NAA30: variants seen among roughly 807,000 people sequenced by gnomAD.
The protein encoded by NAA30 is N-alpha-acetyltransferase 30, NatC catalytic subunit, also known as N-alpha-acetyltransferase 30.
A neutral mutation model predicts 31.4 loss-of-function variants in NAA30; 5 were observed. The ratio of observed to expected loss-of-function variants is 0.16; its 90% CI spans 0.08 to 0.33. The LOEUF (loss-of-function observed/expected upper bound fraction) is 0.33. NAA30 is among the 10% of genes least tolerant of loss of function. The pLI is 1.00. For synonymous variants in NAA30, 222 were observed against 207.1 expected (o/e 1.07, Z -0.62); for missense variants, 428 against 490.8 (o/e 0.87, Z 1.21).
intron 4 of NAA30, among the ~76,000 whole-genome samples, chr14:57,404,431 T>C (rs1026834865): frequency 6.6e-6 from 1 of 152,218 alleles, no homozygotes; most frequent in African/African-American, 2.4e-5. Flanking sequence ...ATTTATAGTA[T>C]CTTAAAATAT....
chr14:57,412,513 T>C lies in NAA30; in HGVS notation c.*2997T>C, dbSNP rs1229859229. ...CATCACTAAAATGAGTGCTGTAATG[T>C]TACAGGGCTTTCAGGTTTGTAAAAA... On this transcript the variant is annotated 3_prime_UTR_variant, in exon 5 of 5. Coordinates refer to ENST00000556492, the MANE Select transcript of NAA30 (RefSeq NM_001011713.3). The C allele has an allele frequency of 6.6e-6, 1 of 152,210 alleles. No homozygotes were observed. The highest frequency in any genetic ancestry group is 1.5e-5 in the Non-Finnish European group (1 of 68,032). 9.4% of individuals were successfully genotyped at this position (152,210 alleles called of 1,614,324 possible).
At position 57,412,657 on chromosome 14, in the gene NAA30, T is replaced by C. The variant is rs2066529010; in HGVS notation, c.*3141T>C. The C allele has an allele frequency of 6.6e-6, 1 of 152,208 alleles. No individual in the cohort carries two copies. The highest frequency in any genetic ancestry group is 1.5e-5 in the Non-Finnish European group (1 of 68,028). The allele number at this position is 152,208 out of a possible 1,614,324, so 9.4% of individuals were successfully genotyped here. ...ATTGCTGCATAATTTTCTTCTATTG[T>C]CCCATATCCTTTTGGAGAGAGATTT... On this transcript the variant is annotated 3_prime_UTR_variant, in exon 5 of 5. Coordinates refer to ENST00000556492, the MANE Select transcript of NAA30 (RefSeq NM_001011713.3).
intron 4 of NAA30, 137 bp downstream of exon 4, chr14:57,400,020 T>C: frequency 2.2e-6 from 1 of 461,116 alleles, no homozygotes; most frequent in Non-Finnish European, 3.8e-6. Flanking sequence ...AAAATTATAT[T>C]CCATTTAAAA....
chr14:57,392,443 G>C (rs2066433533), intron 2 of NAA30, among the ~76,000 whole-genome samples: 1 of 151,960 alleles, frequency 6.6e-6, no homozygotes, highest in South Asian at 2.1e-4. Flanking sequence ...ACTGGTTGTA[G>C]ATGTGGCCAA....
rs1226170071 is a variant in NAA30, at chr14:57,413,106, T to C, written c.*3590T>C. The C allele has an allele frequency of 6.6e-6, 1 of 152,194 alleles. No individual in the cohort carries two copies. Among genetic ancestry groups the C allele is most frequent in the African/African-American group, 2.4e-5 (1 of 41,450 alleles). The allele number at this position is 152,194 out of a possible 1,614,324, so 9.4% of individuals were successfully genotyped here. A position where few individuals can be genotyped will look rare whatever the true frequency, so the allele number is the denominator to read the frequency against. ...CTTTTTTGTCTGTACACTGCCACTCTGTAATGTTCCCCCCACCCCATCCCA... is the reference window on the plus strand; with the variant it reads ...CTTTTTTGTCTGTACACTGCCACTCCGTAATGTTCCCCCCACCCCATCCCA... On this transcript the variant is annotated 3_prime_UTR_variant, in exon 5 of 5. Transcript: ENST00000556492.
Position 57,391,454 on chromosome 14 carries a change from G to T in NAA30, c.497G>T (p.Arg166Leu), listed in dbSNP as rs1364228525. 6.2e-7 allele frequency: 1 copy of T among 1,609,778 alleles called. No individual in the cohort carries two copies. The highest frequency in any genetic ancestry group is 8.5e-7 in the Non-Finnish European group (1 of 1,178,286). ...GCGGCGAGCGATCCCGCGGCGGCCCGCAATGGACTGGCCGAGGGCACCGAG... is the reference window on the plus strand; with the variant it reads ...GCGGCGAGCGATCCCGCGGCGGCCCTCAATGGACTGGCCGAGGGCACCGAG... Reference protein sequence around the residue: ...AAAASDPAAARNGLAEGTEQE... With the variant: ...AAAASDPAAALNGLAEGTEQE... The change falls in exon 2 of 5, where the codon CGC becomes CTC. Residue 166 changes from arginine to leucine, a missense_variant. This residue lies in a region of NAA30 where 349 missense variants were observed against 310.4 expected (regional missense o/e 1.12). Coordinates refer to ENST00000556492, the MANE Select transcript of NAA30 (RefSeq NM_001011713.3). This position sits in a 1 kb window ranked among gnomAD's most constrained non-coding sequence, Gnocchi z 4.1.
At chr14:57,402,404 A>G (rs2066480901) in intron 4 of NAA30, among the ~76,000 whole-genome samples, 1 of 152,212 alleles carries the variant, frequency 6.6e-6, no homozygotes, top group African/African-American at 2.4e-5. Context: ...GTGATAGAGT[A>G]CCTGCTTTGT....
chr14:57,399,238 A>G (rs2066463628), intron 3 of NAA30, among the ~76,000 whole-genome samples: 1 of 152,176 alleles, frequency 6.6e-6, no homozygotes, highest in South Asian at 2.1e-4. Context: ...TTAATATACC[A>G]ATTATATTTG....
chr14:57,395,364 C>T (rs2066446336), intron 2 of NAA30, among the ~76,000 whole-genome samples: 1 of 152,054 alleles, frequency 6.6e-6, no homozygotes, highest in African/African-American at 2.4e-5. Flanking sequence ...AAAAAAGTCA[C>T]AAATTTAAAA....
rs368332192 is a variant in NAA30, at chr14:57,409,564, G to T, written c.*48G>T. The T allele has an allele frequency of 1.8e-5, 27 of 1,532,496 alleles. No homozygotes were observed. In the East Asian group the frequency reaches 3.1e-4, roughly 17 times the overall value. The allele number at this position is 1,532,496 out of a possible 1,614,324, so 94.9% of individuals were successfully genotyped here. ...TATCATCCGCACAGAATCGACCTTT[G>T]CATGCAATGCAATTTGTACAGAATT... On this transcript the variant is annotated 3_prime_UTR_variant, in exon 5 of 5. Coordinates refer to ENST00000556492, the MANE Select transcript of NAA30 (RefSeq NM_001011713.3).
Position 57,391,134 on chromosome 14 carries a change from A to T in NAA30, c.177A>T (p.Gly59=), listed in dbSNP as rs1470021545. 1 of 1,577,318 alleles carries T rather than the reference A, an allele frequency of 6.3e-7. No homozygotes were observed. Among genetic ancestry groups the T allele is most frequent in the Admixed American group, 1.9e-5 (1 of 53,680 alleles). ...GCGGCAGCAGGAGCCCGGCGGGCGG[A>T]GAGTCGGCGACGGTGGCGGCCAAGG... ...EGGGSRSPAG[G]ESATVAAKGH... The change falls in exon 2 of 5, where the codon GGA becomes GGT. Residue 59 remains glycine (G), a synonymous_variant. Transcript: ENST00000556492. The surrounding 1 kb of genome is among the most constrained non-coding windows in gnomAD (Gnocchi z 4.1).
chr14:57,405,527 A>G (rs2066495277), intron 4 of NAA30, among the ~76,000 whole-genome samples: 1 of 152,184 alleles, frequency 6.6e-6, no homozygotes, highest in South Asian at 2.1e-4. Flanking sequence ...TTAAGCTGCA[A>G]GGATTTTGGG....
chr14:57,391,023 G>T lies in NAA30; in HGVS notation c.66G>T (p.Ala22=). Residue 22 remains alanine (A), a synonymous_variant, in exon 2 of 5, where the codon GCG becomes GCT. Coordinates refer to ENST00000556492, the MANE Select transcript of NAA30 (RefSeq NM_001011713.3). This position sits in a 1 kb window ranked among gnomAD's most constrained non-coding sequence, Gnocchi z 4.1. ...LPPPAPPAPA[A]VEPRCPFPAG... ...CACCAGCACCTCCGGCCCCGGCGGCGGTCGAGCCCCGCTGTCCCTTCCCGG... is the reference window on the plus strand; with the variant it reads ...CACCAGCACCTCCGGCCCCGGCGGCTGTCGAGCCCCGCTGTCCCTTCCCGG... 12 of 1,496,114 alleles carry T rather than the reference G, an allele frequency of 8.0e-6. No homozygotes were observed. Among genetic ancestry groups the T allele is most frequent in the Non-Finnish European group, 1.1e-5 (12 of 1,131,108 alleles). The allele number at this position is 1,496,114 out of a possible 1,614,324, so 92.7% of individuals were successfully genotyped here. A position where few individuals can be genotyped will look rare whatever the true frequency, so the allele number is the denominator to read the frequency against.
chr14:57,391,996 T>C lies in NAA30; in HGVS notation c.771+268T>C, dbSNP rs1463593147. 6.6e-6 allele frequency among the ~76,000 whole-genome samples: 1 copy of C among 152,128 alleles called. No homozygotes were observed. The highest frequency in any genetic ancestry group is 1.5e-5 in the Non-Finnish European group (1 of 67,988). ...CTGGGGTGGGGGTCTTGTGTCTTGTTTACATTAGATTATAATCGTGTTTAA... is the reference window on the plus strand; with the variant it reads ...CTGGGGTGGGGGTCTTGTGTCTTGTCTACATTAGATTATAATCGTGTTTAA... On this transcript the variant is annotated intron_variant, in intron 2 of 4. Coordinates refer to ENST00000556492, the MANE Select transcript of NAA30 (RefSeq NM_001011713.3). The surrounding 1 kb of genome is among the most constrained non-coding windows in gnomAD (Gnocchi z 4.1).
rs2066526708 is a variant in NAA30, at chr14:57,412,226, G to A, written c.*2710G>A. The A allele has an allele frequency of 6.6e-6, 1 of 152,006 alleles. No individual in the cohort carries two copies. 9.4% of individuals were successfully genotyped at this position (152,006 alleles called of 1,614,324 possible). ...TTTGAAGTTGAAACCAGCAAAATAA[G>A]AAAAAATAAAAAATCGATTTTAATA... On this transcript the variant is annotated 3_prime_UTR_variant, in exon 5 of 5. Coordinates refer to ENST00000556492, the MANE Select transcript of NAA30 (RefSeq NM_001011713.3).
intron 2 of NAA30, among the ~76,000 whole-genome samples, chr14:57,392,758 G>T (rs990444460): frequency 5.9e-5 from 9 of 152,154 alleles, no homozygotes; most frequent in African/African-American, 2.2e-4. Context: ...TAATGTTTTA[G>T]CATTGGCTTA....
chr14:57,393,442 T>C lies in NAA30; in HGVS notation c.771+1714T>C, dbSNP rs1401816518. On this transcript the variant is annotated intron_variant, in intron 2 of 4. Transcript: ENST00000556492. ...TGGTGCAAGTATGAATCAGGAGGTA[T>C]TAAACAATAATAAAACAGTAAAAAA... Among the ~76,000 whole-genome samples, 3 of 152,134 alleles carry C rather than the reference T, an allele frequency of 2.0e-5. 1 individual carries two copies. The highest frequency in any genetic ancestry group is 4.4e-5 in the Non-Finnish European group (3 of 67,976).
chr14:57,405,243 A>G (rs1180716419), intron 4 of NAA30, among the ~76,000 whole-genome samples: 2 of 152,156 alleles, frequency 1.3e-5, no homozygotes, highest in Non-Finnish European at 2.9e-5. Flanking sequence ...TTAGATTATT[A>G]GGAGCCAAGA....
At position 57,409,617 on chromosome 14, in the gene NAA30, A is replaced by G. The variant is rs2066514854; in HGVS notation, c.*101A>G. ...TTTGCAGGTGGATTTAGTAATTTCC[A>G]TGCAGCTCTTACCTGTCAGTGTCTC... is the stretch of plus-strand genomic sequence containing the variant. On this transcript the variant is annotated 3_prime_UTR_variant, in exon 5 of 5. Transcript: ENST00000556492. 2 of 1,204,628 alleles carry G rather than the reference A, an allele frequency of 1.7e-6. No homozygotes were observed. Among genetic ancestry groups the G allele is most frequent in the East Asian group, 2.6e-5 (1 of 38,660 alleles). The allele number at this position is 1,204,628 out of a possible 1,614,324, so 74.6% of individuals were successfully genotyped here. A position where few individuals can be genotyped will look rare whatever the true frequency, so the allele number is the denominator to read the frequency against.
Sources: gnomAD v4.1 joint callset for allele counts (sites outside exome capture counted in the v4.1 genomes callset) on GRCh38, gnomAD v4.1.1 for gene constraint, gnomAD v4.1.1 regional missense constraint, Gnocchi (gnomAD v3.1) non-coding constraint, MANE v1.5 for transcripts, NCBI Gene and HGNC (gene_info 2026-07-23, HGNC 2026-07-21) for gene names.